LCE2D: variants seen among roughly 807,000 people sequenced by gnomAD.
LCE2D encodes late cornified envelope 2D, also known as late cornified envelope protein 2D.
For missense variants in LCE2D, 161 were observed against 142.9 expected, an observed-to-expected ratio of 1.13 and a Z score of -0.65; for synonymous variants, 55 against 51.3, an observed-to-expected ratio of 1.07 and a Z score of -0.31.
At position 152,664,165 on chromosome 1, in the gene LCE2D, T is replaced by C. The variant is rs765559491; in HGVS notation, c.60T>C (p.Cys20=). 3 of 1,614,192 alleles carry C rather than the reference T, an allele frequency of 1.9e-6. No homozygotes were observed. The South Asian group carries it at 3.3e-5, about 18-fold the overall frequency. ...CQPPPKCPPK[C]TPKCPPKCPP... ...CCCCTCCCAAATGTCCTCCCAAGTG[T>C]ACCCCAAAATGTCCACCTAAGTGTC... The change falls in exon 2 of 2, where the codon TGT becomes TGC. Residue 20 remains cysteine (C), a synonymous_variant. Coordinates refer to ENST00000368784, the MANE Select transcript of LCE2D (RefSeq NM_178430.4).
At position 152,664,235 on chromosome 1, in the gene LCE2D, G is replaced by C. The variant is rs752856798; in HGVS notation, c.130G>C (p.Val44Leu). Residue 44 changes from valine to leucine, a missense_variant, in exon 2 of 2, where the codon GTC (valine) becomes CTC (leucine). Val to Leu is a conservative substitution (Grantham distance 32). Coordinates refer to ENST00000368784, the MANE Select transcript of LCE2D (RefSeq NM_178430.4). ...GTGCCCAGCTCCATGTTCCCCTGCA[G>C]TCTCTTCCTGCTGTGGTCCCAGCTC... ...PQCPAPCSPA[V>L]SSCCGPSSGS... The C allele has an allele frequency of 5.6e-6, 9 of 1,614,052 alleles. No individual in the cohort carries two copies. In the Admixed American group the frequency reaches 8.3e-5, roughly 15 times the overall value.
At position 152,664,374 on chromosome 1, in the gene LCE2D, AT is replaced by A. The variant is rs1326741270; in HGVS notation, c.271del (p.Cys91AlafsTer39). The A allele has an allele frequency of 1.2e-6, 2 of 1,608,216 alleles. No homozygotes were observed. The highest frequency in any genetic ancestry group is 2.2e-5 in the South Asian group (2 of 90,706). ...LFHRRRHQSPDCCESEPSGAS... is the reference protein window; with the variant it reads ...LFHRRRHQSPXCCESEPSGAS... Reference sequence around the variant, plus strand: ...CACCGGCGCCGGCACCAGAGCCCCGATTGCTGTGAGAGTGAACCTTCTGGGG... The same window carrying A: ...CACCGGCGCCGGCACCAGAGCCCCGATGCTGTGAGAGTGAACCTTCTGGGG... On this transcript the variant is annotated frameshift_variant, in exon 2 of 2. Coordinates refer to ENST00000368784, the MANE Select transcript of LCE2D (RefSeq NM_178430.4). LOFTEE classifies it low-confidence loss of function (END_TRUNC).
chr1:152,664,514 C>T lies in LCE2D; in HGVS notation c.*76C>T. 3.3e-6 allele frequency: 5 copies of T among 1,525,364 alleles called. No individual in the cohort carries two copies. The South Asian group carries it at 4.0e-5, about 12-fold the overall frequency. The allele number at this position is 1,525,364 out of a possible 1,614,324, so 94.5% of individuals were successfully genotyped here. On this transcript the variant is annotated 3_prime_UTR_variant, in exon 2 of 2. Coordinates refer to ENST00000368784, the MANE Select transcript of LCE2D (RefSeq NM_178430.4). ...CCTGATGCTTAACTATTTCCCCTTCCTTTCATTCCACTCATGGGTGGACAG... is the reference window on the plus strand; with the variant it reads ...CCTGATGCTTAACTATTTCCCCTTCTTTTCATTCCACTCATGGGTGGACAG...
chr1:152,664,447 G>T lies in LCE2D; in HGVS notation c.*9G>T, dbSNP rs972463353. On this transcript the variant is annotated 3_prime_UTR_variant, in exon 2 of 2. Coordinates refer to ENST00000368784, the MANE Select transcript of LCE2D (RefSeq NM_178430.4). The stretch of plus-strand genomic sequence containing the variant: ...CTGGGGGCTGCTGCTGACCTGGGCT[G>T]CAGAAGAGCTCTGGTACTGAATGGT... 3 of 1,607,082 alleles carry T rather than the reference G, an allele frequency of 1.9e-6. No individual in the cohort carries two copies. Among genetic ancestry groups the T allele is most frequent in the African/African-American group, 2.7e-5 (2 of 74,628 alleles).
Position 152,664,208 on chromosome 1 carries a change from C to T in LCE2D, c.103C>T (p.Gln35Ter). Residue 35 changes from glutamine (Q) to a stop codon, truncating the protein, a stop_gained, in exon 2 of 2, where the codon CAG (glutamine) becomes TAG (stop). Coordinates refer to ENST00000368784, the MANE Select transcript of LCE2D (RefSeq NM_178430.4). LOFTEE classifies it low-confidence loss of function (END_TRUNC). ...PPKCPPKCPP[Q>*]CPAPCSPAVS... ...TAAGTGTCCCCCCAAATGCCCACCA[C>T]AGTGCCCAGCTCCATGTTCCCCTGC... 6.2e-7 allele frequency: 1 copy of T among 1,614,232 alleles called. No individual in the cohort carries two copies. Among genetic ancestry groups the T allele is most frequent in the Non-Finnish European group, 8.5e-7 (1 of 1,180,048 alleles).
At position 152,664,217 on chromosome 1, in the gene LCE2D, G is replaced by T. The variant is rs140332010; in HGVS notation, c.112G>T (p.Ala38Ser). The change falls in exon 2 of 2, where the codon GCT (alanine) becomes TCT (serine). Residue 38 changes from alanine (A) to serine (S), a missense_variant. Transcript: ENST00000368784. ...CPPKCPPQCP[A>S]PCSPAVSSCC... ...CCCCAAATGCCCACCACAGTGCCCA[G>T]CTCCATGTTCCCCTGCAGTCTCTTC... 108 of 1,614,164 alleles carry T rather than the reference G, an allele frequency of 6.7e-5. No homozygotes were observed. The African/African-American group carries it at 1.1e-3, about 17-fold the overall frequency.
In LCE2D at chr1:152,664,336, G is replaced by GC. The variant is rs1392268148; in HGVS notation, c.235dup (p.Arg79ProfsTer15). The GC allele has an allele frequency of 6.2e-7, 1 of 1,609,102 alleles. No individual in the cohort carries two copies. Among genetic ancestry groups the GC allele is most frequent in the African/African-American group, 1.3e-5 (1 of 74,952 alleles). The stretch of plus-strand genomic sequence containing the variant: ...GTGGCTGCTGCCTGAGCCACCACAG[G>GC]CCCCGTCTCTTCCACCGGCGCCGGC... On this transcript the variant is annotated frameshift_variant, in exon 2 of 2. Coordinates refer to ENST00000368784, the MANE Select transcript of LCE2D (RefSeq NM_178430.4). LOFTEE classifies it low-confidence loss of function (END_TRUNC).
rs762273087 is a variant in LCE2D, at chr1:152,664,215, C to T, written c.110C>T (p.Pro37Leu). 1 of 1,614,216 alleles carries T rather than the reference C, an allele frequency of 6.2e-7. No individual in the cohort carries two copies. The highest frequency in any genetic ancestry group is 2.2e-5 in the East Asian group (1 of 44,880). Residue 37 changes from proline to leucine, a missense_variant, in exon 2 of 2, where the codon CCA becomes CTA. By Grantham distance (98) the Pro-to-Leu change is moderately conservative (BLOSUM62 -3). Transcript: ENST00000368784. The part of the protein sequence containing the change: ...KCPPKCPPQC[P>L]APCSPAVSSC... ...CCCCCCAAATGCCCACCACAGTGCC[C>T]AGCTCCATGTTCCCCTGCAGTCTCT...
Position 152,664,655 on chromosome 1 carries a change from C to T in LCE2D, c.*217C>T, listed in dbSNP as rs1316745392. On this transcript the variant is annotated 3_prime_UTR_variant, in exon 2 of 2. Transcript: ENST00000368784. ...TGTAATAAAGCTCTGATTTCTGACTCTTTAAATGTCTTGGTCATACTCTTC... is the reference window on the plus strand; with the variant it reads ...TGTAATAAAGCTCTGATTTCTGACTTTTTAAATGTCTTGGTCATACTCTTC... 4 of 623,532 alleles carry T rather than the reference C, an allele frequency of 6.4e-6. No homozygotes were observed. Among genetic ancestry groups the T allele is most frequent in the African/African-American group, 5.6e-5 (3 of 53,966 alleles). The allele number at this position is 623,532 out of a possible 1,614,324, so 38.6% of individuals were successfully genotyped here. A position where few individuals can be genotyped will look rare whatever the true frequency, so the allele number is the denominator to read the frequency against.
At position 152,664,404 on chromosome 1, in the gene LCE2D, C is replaced by A. The variant is rs1161850395; in HGVS notation, c.299C>A (p.Ser100Tyr). 4 of 1,606,878 alleles carry A rather than the reference C, an allele frequency of 2.5e-6. No individual in the cohort carries two copies. In the African/African-American group the frequency reaches 5.3e-5, roughly 21 times the overall value. The change falls in exon 2 of 2, where the codon TCT becomes TAT. Residue 100 changes from serine to tyrosine, a missense_variant. By Grantham distance (144) the Ser-to-Tyr change is moderately radical. Coordinates refer to ENST00000368784, the MANE Select transcript of LCE2D (RefSeq NM_178430.4). The stretch of plus-strand genomic sequence containing the variant: ...TGTGAGAGTGAACCTTCTGGGGCCT[C>A]TGGCTGCTGCCACAGCTCTGGGGGC... ...DCCESEPSGA[S>Y]GCCHSSGGCC is the part of the protein sequence containing the mutation.
chr1:152,663,626 T>A (rs1648464543), intron 1 of LCE2D, among the ~76,000 whole-genome samples, 197 bp downstream of exon 1: 1 of 152,192 alleles, frequency 6.6e-6, no homozygotes, highest in Non-Finnish European at 1.5e-5. Flanking sequence ...ACTGTGCCCA[T>A]CTTTCCCAAC....
chr1:152,664,171 A>C lies in LCE2D; in HGVS notation c.66A>C (p.Pro22=). Residue 22 remains proline (P), a synonymous_variant, in exon 2 of 2, where the codon CCA becomes CCC. Transcript: ENST00000368784. Reference sequence around the variant, plus strand: ...CCAAATGTCCTCCCAAGTGTACCCCAAAATGTCCACCTAAGTGTCCCCCCA... The same window carrying C: ...CCAAATGTCCTCCCAAGTGTACCCCCAAATGTCCACCTAAGTGTCCCCCCA... ...PPPKCPPKCT[P]KCPPKCPPKC... 1 of 1,614,154 alleles carries C rather than the reference A, an allele frequency of 6.2e-7. No homozygotes were observed. The highest frequency in any genetic ancestry group is 8.5e-7 in the Non-Finnish European group (1 of 1,180,028).
chr1:152,663,924 A>C (rs180770790), intron 1 of LCE2D, among the ~76,000 whole-genome samples, 161 bp from the exon 2 acceptor site: 304 of 152,250 alleles, frequency 2.0e-3, no homozygotes, highest in Non-Finnish European at 3.5e-3. Context: ...TAATCTATGT[A>C]CTTTTATCTG....
At position 152,664,208 on chromosome 1, in the gene LCE2D, C is replaced by G. The variant is rs768138746; in HGVS notation, c.103C>G (p.Gln35Glu). The change falls in exon 2 of 2, where the codon CAG (glutamine) becomes GAG (glutamate). Residue 35 changes from glutamine (Q) to glutamate (E), a missense_variant. By Grantham distance (29) the Gln-to-Glu change is conservative. Coordinates refer to ENST00000368784, the MANE Select transcript of LCE2D (RefSeq NM_178430.4). ...PPKCPPKCPP[Q>E]CPAPCSPAVS... ...TAAGTGTCCCCCCAAATGCCCACCA[C>G]AGTGCCCAGCTCCATGTTCCCCTGC... is the stretch of plus-strand genomic sequence containing the variant. 2 of 1,614,232 alleles carry G rather than the reference C, an allele frequency of 1.2e-6. No homozygotes were observed. Among genetic ancestry groups the G allele is most frequent in the East Asian group, 2.2e-5 (1 of 44,880 alleles).
rs201773605 is a variant in LCE2D, at chr1:152,664,258, C to G, written c.153C>G (p.Ser51Arg). 1.2e-5 allele frequency: 20 copies of G among 1,614,098 alleles called. No homozygotes were observed. In the African/African-American group the frequency reaches 2.1e-4, roughly 17 times the overall value. ...CAGTCTCTTCCTGCTGTGGTCCCAGCTCTGGGAGCTGCTGTGGTCCCAGCT... is the reference window on the plus strand; with the variant it reads ...CAGTCTCTTCCTGCTGTGGTCCCAGGTCTGGGAGCTGCTGTGGTCCCAGCT... Reference protein sequence around the residue: ...SPAVSSCCGPSSGSCCGPSSG... With the variant: ...SPAVSSCCGPRSGSCCGPSSG... The change falls in exon 2 of 2, where the codon AGC becomes AGG. Residue 51 changes from serine to arginine, a missense_variant. By Grantham distance (110) the Ser-to-Arg change is moderately radical (BLOSUM62 -1). Transcript: ENST00000368784.
Position 152,664,282 on chromosome 1 carries a change from C to G in LCE2D, c.177C>G (p.Ser59Arg), listed in dbSNP as rs1303090564. Residue 59 changes from serine to arginine, a missense_variant, in exon 2 of 2, where the codon AGC (serine) becomes AGG (arginine). Ser to Arg is a moderately radical substitution (Grantham distance 110). Coordinates refer to ENST00000368784, the MANE Select transcript of LCE2D (RefSeq NM_178430.4). ...GCTCTGGGAGCTGCTGTGGTCCCAG[C>G]TCTGGGGGCTGCTGCAGCTCTGGGG... ...GPSSGSCCGPSSGGCCSSGGG... is the reference protein window; with the variant it reads ...GPSSGSCCGPRSGGCCSSGGG... 7 of 1,614,060 alleles carry G rather than the reference C, an allele frequency of 4.3e-6. No individual in the cohort carries two copies. Among genetic ancestry groups the G allele is most frequent in the African/African-American group, 1.3e-5 (1 of 74,934 alleles).
In LCE2D at chr1:152,664,505, T is replaced by A. The variant is rs1272774705; in HGVS notation, c.*67T>A. Reference sequence around the variant, plus strand: ...CTGCTACAGCCTGATGCTTAACTATTTCCCCTTCCTTTCATTCCACTCATG... The same window carrying A: ...CTGCTACAGCCTGATGCTTAACTATATCCCCTTCCTTTCATTCCACTCATG... On this transcript the variant is annotated 3_prime_UTR_variant, in exon 2 of 2. Coordinates refer to ENST00000368784, the MANE Select transcript of LCE2D (RefSeq NM_178430.4). The A allele has an allele frequency of 8.5e-6, 13 of 1,529,224 alleles. No individual in the cohort carries two copies. In the East Asian group the frequency reaches 2.7e-4, roughly 32 times the overall value. The allele number at this position is 1,529,224 out of a possible 1,614,324, so 94.7% of individuals were successfully genotyped here.
In LCE2D at chr1:152,664,430, T is replaced by C. The variant is rs1648508109; in HGVS notation, c.325T>C (p.Cys109Arg). ...ASGCCHSSGG[C>R]C ...TGGCTGCTGCCACAGCTCTGGGGGC[T>C]GCTGCTGACCTGGGCTGCAGAAGAG... The change falls in exon 2 of 2, where the codon TGC becomes CGC. Residue 109 changes from cysteine (C) to arginine (R), a missense_variant. Cys to Arg is a radical substitution (Grantham distance 180). Coordinates refer to ENST00000368784, the MANE Select transcript of LCE2D (RefSeq NM_178430.4). The C allele has an allele frequency of 6.2e-7, 1 of 1,612,206 alleles. No homozygotes were observed. Among genetic ancestry groups the C allele is most frequent in the African/African-American group, 1.3e-5 (1 of 74,980 alleles).
chr1:152,664,047 GT>G, intron 1 of LCE2D, 37 bp from the exon 2 acceptor site: 1 of 1,588,402 alleles, frequency 6.3e-7, no homozygotes, highest in Non-Finnish European at 8.6e-7. Flanking sequence ...ATGACCTTTG[GT>G]TTGAAATATT....
Sources: gnomAD v4.1 joint callset for allele counts (sites outside exome capture counted in the v4.1 genomes callset) on GRCh38, gnomAD v4.1.1 for gene constraint, MANE v1.5 for transcripts, NCBI Gene and HGNC (gene_info 2026-07-23, HGNC 2026-07-21) for gene names.